The following PPFIA4 variants were observed in gnomAD, a reference collection of about 807,000 sequenced individuals.
PPFIA4 encodes the protein liprin-alpha-4.
Under a neutral mutation model 145.7 loss-of-function variants are expected in PPFIA4, and 98 were observed. That is an observed-to-expected ratio of 0.67 (90% CI 0.57 to 0.80). The LOEUF (loss-of-function observed/expected upper bound fraction) is 0.80, where lower values mean the gene tolerates loss of function less well. Among genes scored for constraint, PPFIA4 ranks in the 30% least tolerant of loss-of-function variants. The pLI, the probability that PPFIA4 is intolerant of heterozygous loss-of-function variation, is 0.00. For synonymous variants in PPFIA4, 628 were observed against 649.6 expected (o/e 0.97, Z 0.51); for missense variants, 1,457 against 1,632.7 (o/e 0.89, Z 1.85).
intron 1 of PPFIA4, among the ~76,000 whole-genome samples, chr1:203,030,603 A>G (rs185306465): frequency 1.8e-4 from 28 of 152,258 alleles, no homozygotes; most frequent in African/African-American, 6.7e-4. Flanking sequence ...TTTTGGTCCT[A>G]CTTTGGGGCA....
Position 203,068,751 on chromosome 1 carries a change from GC to G in PPFIA4, c.3324+125del. Reference sequence around the variant, plus strand: ...GGTGGGGAGCTTTTCTAGGGCCTATGCCAGAGGGGATCGCAATGTCCTCAAT... The same window carrying G: ...GGTGGGGAGCTTTTCTAGGGCCTATGCAGAGGGGATCGCAATGTCCTCAAT... On this transcript the variant is annotated intron_variant, in intron 27 of 29. Coordinates refer to ENST00000295706, the MANE Select transcript of PPFIA4 (RefSeq NM_001304331.2). This position sits in a 1 kb window ranked among gnomAD's most constrained non-coding sequence, Gnocchi z 4.7. 9.8e-7 allele frequency: 1 copy of G among 1,022,976 alleles called. No individual in the cohort carries two copies. The highest frequency in any genetic ancestry group is 1.3e-6 in the Non-Finnish European group (1 of 746,030). 63.4% of individuals were successfully genotyped at this position (1,022,976 alleles called of 1,614,324 possible).
chr1:203,075,999 C>G lies in PPFIA4; in HGVS notation c.3574+242C>G, dbSNP rs1389534962. The G allele has an allele frequency of 3.7e-6, 2 of 547,246 alleles. No homozygotes were observed. Among genetic ancestry groups the G allele is most frequent in the Non-Finnish European group, 6.2e-6 (2 of 321,626 alleles). The allele number at this position is 547,246 out of a possible 1,614,324, so 33.9% of individuals were successfully genotyped here. A position where few individuals can be genotyped will look rare whatever the true frequency, so the allele number is the denominator to read the frequency against. ...CGGCGGGGTCGCAGAGACTGGAGACCTCCACGGTTCGGACCTACTCCTGCT... is the reference window on the plus strand; with the variant it reads ...CGGCGGGGTCGCAGAGACTGGAGACGTCCACGGTTCGGACCTACTCCTGCT... On this transcript the variant is annotated intron_variant, in intron 29 of 29. Transcript: ENST00000295706. The surrounding 1 kb of genome is among the most constrained non-coding windows in gnomAD (Gnocchi z 4.1).
In PPFIA4 at chr1:203,043,709, T is replaced by TCA; in HGVS notation, c.336+211_336+212insCA. On this transcript the variant is annotated intron_variant, in intron 3 of 29. Coordinates refer to ENST00000295706, the MANE Select transcript of PPFIA4 (RefSeq NM_001304331.2). The surrounding 1 kb of genome is among the most constrained non-coding windows in gnomAD (Gnocchi z 4.4). The stretch of plus-strand genomic sequence containing the variant: ...TGCTGGGCTCTCCACCTGTAGTTGC[T>TCA]GGTTCACAGAAAGCTCAGGGTCCTG... 6.6e-6 allele frequency among the ~76,000 whole-genome samples: 1 copy of TCA among 152,172 alleles called. No homozygotes were observed. Among genetic ancestry groups the TCA allele is most frequent in the East Asian group, 1.9e-4 (1 of 5,188 alleles).
In PPFIA4 at chr1:203,075,881, G is replaced by A; in HGVS notation, c.3574+124G>A. 3.0e-6 allele frequency: 3 copies of A among 988,060 alleles called. No homozygotes were observed. The highest frequency in any genetic ancestry group is 4.1e-6 in the Non-Finnish European group (3 of 727,754). 61.2% of individuals were successfully genotyped at this position (988,060 alleles called of 1,614,324 possible). ...GGCTGGTGCCCCGCGCTCCTGCGCT[G>A]CAGCTGCACTAACGCTCCGCGGGGA... On this transcript the variant is annotated intron_variant, in intron 29 of 29. Coordinates refer to ENST00000295706, the MANE Select transcript of PPFIA4 (RefSeq NM_001304331.2). The surrounding 1 kb of genome is among the most constrained non-coding windows in gnomAD (Gnocchi z 4.1).
intron 25 of PPFIA4, chr1:203,067,463 C>T: frequency 2.1e-6 from 1 of 481,868 alleles, no homozygotes; most frequent in Non-Finnish European, 3.7e-6. Context: ...CAATCCATCC[C>T]CAGGCCCGCT....
chr1:203,060,270 G>A lies in PPFIA4; in HGVS notation c.2637G>A (p.Lys879=), dbSNP rs754643246. 94 of 1,614,052 alleles carry A rather than the reference G, an allele frequency of 5.8e-5. No homozygotes were observed. Among genetic ancestry groups the A allele is most frequent in the Non-Finnish European group, 7.5e-5 (88 of 1,180,006 alleles). The change falls in exon 22 of 30, where the codon AAG becomes AAA. Residue 879 remains lysine (K), a synonymous_variant. Coordinates refer to ENST00000295706, the MANE Select transcript of PPFIA4 (RefSeq NM_001304331.2). The surrounding 1 kb of genome is among the most constrained non-coding windows in gnomAD (Gnocchi z 4.8). ...TGGCAGCCTGCCGGGCCAACGTCAA[G>A]AGTGGTGCCATCATGTCCGCTCTGT... ...WYVAACRANV[K]SGAIMSALSD...
chr1:203,053,426 G>A lies in PPFIA4; in HGVS notation c.1621-327G>A, dbSNP rs762492498. On this transcript the variant is annotated intron_variant, in intron 14 of 29. Transcript: ENST00000295706. ...CGTGCGCTTGTAATCCTAGCTACTC[G>A]GGAGTCTGAGGCAGGAGAATTGCTT... is the stretch of plus-strand genomic sequence containing the variant. Among the ~76,000 whole-genome samples, 3 of 152,102 alleles carry A rather than the reference G, an allele frequency of 2.0e-5. 1 individual carries two copies. Among genetic ancestry groups the A allele is most frequent in the Admixed American group, 2.0e-4 (3 of 15,274 alleles).
chr1:203,056,894 GGAA>G lies in PPFIA4; in HGVS notation c.2356_2358del (p.Lys786del). 2 of 1,614,088 alleles carry G rather than the reference GGAA, an allele frequency of 1.2e-6. No individual in the cohort carries two copies. The highest frequency in any genetic ancestry group is 1.7e-6 in the Non-Finnish European group (2 of 1,179,910). On this transcript the variant is annotated inframe_deletion, in exon 19 of 30. Coordinates refer to ENST00000295706, the MANE Select transcript of PPFIA4 (RefSeq NM_001304331.2). The stretch of plus-strand genomic sequence containing the variant: ...AAGTCGTCCATTGGCCGCCTGTTTG[GGAA>G]GAAGGAGAAGGGCAGGCTGATCCAG...
chr1:203,052,045 G>GC (rs3215063), intron 14 of PPFIA4, among the ~76,000 whole-genome samples, 168 bp downstream of exon 14: 19,387 of 102,874 alleles, frequency 0.19, 2,667 homozygotes, highest in South Asian at 0.26. Flanking sequence ...CAACAGCTGT[G>GC]CCCCCCCCCC....
chr1:203,053,008 G>A (rs1209401873), intron 14 of PPFIA4, among the ~76,000 whole-genome samples: 2 of 152,174 alleles, frequency 1.3e-5, no homozygotes, highest in Non-Finnish European at 2.9e-5. Context: ...CAGTGCTAAG[G>A]GCTTTACATG....
chr1:203,037,386 G>A (rs1659359807), intron 1 of PPFIA4, among the ~76,000 whole-genome samples: 2 of 152,156 alleles, frequency 1.3e-5, no homozygotes, highest in African/African-American at 4.8e-5. Context: ...TCTCCCATAA[G>A]ATAAGAGAGA....
chr1:203,061,810 A>G, intron 24 of PPFIA4, 132 bp downstream of exon 24: 13 of 912,736 alleles, frequency 1.4e-5, no homozygotes, highest in Non-Finnish European at 2.0e-5. Context: ...CTCTGCTCCC[A>G]TCAGAGTGCC....
intron 1 of PPFIA4, chr1:203,035,118 T>C (rs1306686382): frequency 2.8e-6 from 1 of 352,262 alleles, no homozygotes. Flanking sequence ...GCCCTCCCCA[T>C]TTCTTCAGAT....
chr1:203,046,218 T>C, intron 8 of PPFIA4, 30 bp from the exon 9 acceptor site: 1 of 1,570,882 alleles, frequency 6.4e-7, no homozygotes, highest in Non-Finnish European at 8.6e-7. Flanking sequence ...TGCTCCCTTT[T>C]GAATCACTTC....
intron 2 of PPFIA4, among the ~76,000 whole-genome samples, chr1:203,040,391 G>A (rs1659616146): frequency 6.6e-6 from 1 of 152,268 alleles, no homozygotes; most frequent in Non-Finnish European, 1.5e-5. Flanking sequence ...TTCCCAGTGT[G>A]TGGGGAAGAG....
intron 13 of PPFIA4, 64 bp from the exon 14 acceptor site, chr1:203,051,705 T>C: frequency 2.6e-6 from 4 of 1,547,926 alleles, no homozygotes; most frequent in Non-Finnish European, 3.5e-6. Context: ...TTGGGCCCAC[T>C]GGGTGTGAGC....
chr1:203,037,805 A>G (rs1259287317), intron 1 of PPFIA4, among the ~76,000 whole-genome samples: 3 of 152,140 alleles, frequency 2.0e-5, no homozygotes, highest in Non-Finnish European at 2.9e-5. Context: ...GCCCCACCCT[A>G]GGAGAGTGGC....
At position 203,062,045 on chromosome 1, in the gene PPFIA4, C is replaced by T. The variant is rs541532973; in HGVS notation, c.2874+367C>T. Among the ~76,000 whole-genome samples, 9 of 152,286 alleles carry T rather than the reference C, an allele frequency of 5.9e-5. No homozygotes were observed. In the South Asian group the frequency reaches 1.9e-3, roughly 32 times the overall value. ...GAAGGTCTTTCATCCATTTCATGAG[C>T]AAACGTTTATTGAGCAAATATAAGG... On this transcript the variant is annotated intron_variant, in intron 24 of 29. Coordinates refer to ENST00000295706, the MANE Select transcript of PPFIA4 (RefSeq NM_001304331.2).
intron 19 of PPFIA4, among the ~76,000 whole-genome samples, chr1:203,058,940 C>A (rs941182975): frequency 6.6e-6 from 1 of 152,216 alleles, no homozygotes; most frequent in East Asian, 1.9e-4. Context: ...TGGAAAACAC[C>A]CCCAAGGCTG....
Sources: allele counts gnomAD v4.1 joint callset (sites outside exome capture counted in the v4.1 genomes callset), GRCh38; gene constraint gnomAD v4.1.1; non-coding constraint Gnocchi (gnomAD v3.1); transcripts MANE v1.5; gene names NCBI Gene and HGNC (gene_info 2026-07-23, HGNC 2026-07-21).